FRMPD4: variants seen among roughly 807,000 people sequenced by gnomAD.
FRMPD4 encodes FERM and PDZ domain containing 4.
A neutral mutation model predicts 94.1 loss-of-function variants in FRMPD4; 22 were observed. That is an observed-to-expected ratio of 0.23 (90% confidence interval 0.17 to 0.33). The LOEUF is 0.33. Ranked by LOEUF, FRMPD4 falls within the 10% of genes least tolerant of loss-of-function variation. The pLI is 1.00. For synonymous variants in FRMPD4, 631 were observed against 548.6 expected (o/e 1.15, Z -2.10); for missense variants, 1,111 against 1,339.9 (o/e 0.83, Z 2.67).
chrX:11,848,427 G>A (rs1386383255), intron 1 of FRMPD4, among the ~76,000 whole-genome samples: 7 of 111,302 alleles, frequency 6.3e-5, no homozygotes, highest in African/African-American at 2.3e-4. Flanking sequence ...TTTTTAGTCA[G>A]TAGGGTTTCT....
chrX:12,432,625 T>G (rs1399602706), intron 1 of FRMPD4, among the ~76,000 whole-genome samples: 1 of 112,079 alleles, frequency 8.9e-6, no homozygotes, highest in Non-Finnish European at 1.9e-5. Context: ...CCTTGCTATA[T>G]CAGTCTCTCA....
chrX:12,657,529 C>T (rs955872188), intron 4 of FRMPD4, among the ~76,000 whole-genome samples: 1 of 111,576 alleles, frequency 9.0e-6, no homozygotes, highest in Non-Finnish European at 1.9e-5. Flanking sequence ...TTGGATATCA[C>T]ATTCTCTCAC....
chrX:11,845,463 G>A (rs1466539792), intron 1 of FRMPD4, among the ~76,000 whole-genome samples: 1 of 110,468 alleles, frequency 9.1e-6, no homozygotes, highest in Non-Finnish European at 1.9e-5. Context: ...AAGAGGAACT[G>A]GTACCATTCC....
chrX:12,166,393 G>T (rs766879222), intron 1 of FRMPD4, among the ~76,000 whole-genome samples: 98 of 111,567 alleles, frequency 8.8e-4, no homozygotes, highest in African/African-American at 2.8e-3. Context: ...GCATCCCAGG[G>T]ATGAAGCCCA....
chrX:12,406,995 T>C lies in FRMPD4; in HGVS notation c.42-91685T>C, dbSNP rs1455328145. Among the ~76,000 whole-genome samples, 3 of 111,012 alleles carry C rather than the reference T, an allele frequency of 2.7e-5. No individual in the cohort carries two copies. In the Admixed American group the frequency reaches 2.9e-4, roughly 11 times the overall value. ...ACATTTTCTCACCTTTTCCAGCGCC[T>C]AGAGGCTACCAATGTTCTTTGCCTC... On this transcript the variant is annotated intron_variant, in intron 1 of 16. Coordinates refer to ENST00000675598, the MANE Select transcript of FRMPD4 (RefSeq NM_001368397.1).
chrX:12,097,822 G>A (rs1458813553), intron 3 of FRMPD4, among the ~76,000 whole-genome samples: 1 of 112,428 alleles, frequency 8.9e-6, no homozygotes, highest in Non-Finnish European at 1.9e-5. Flanking sequence ...CTATTCACTA[G>A]TTAATGGACA....
intron 1 of FRMPD4, among the ~76,000 whole-genome samples, chrX:12,358,913 T>G (rs2055937317): frequency 8.9e-6 from 1 of 112,399 alleles, no homozygotes; most frequent in South Asian, 3.7e-4. Context: ...GATTTTTCAC[T>G]GGCTTTCCAA....
At chrX:12,020,114 T>C (rs2054624784) in intron 3 of FRMPD4, among the ~76,000 whole-genome samples, 1 of 111,966 alleles carries the variant, frequency 8.9e-6, no homozygotes, top group African/African-American at 3.3e-5. Context: ...TGTACTCTTA[T>C]TGTATCATTT....
At chrX:12,211,148 C>T (rs937298047) in intron 1 of FRMPD4, among the ~76,000 whole-genome samples, 12 of 112,193 alleles carry the variant, frequency 1.1e-4, no homozygotes, top group African/African-American at 3.2e-4. Context: ...TTCTCACTAA[C>T]GGGATTGAAT....
intron 2 of FRMPD4, among the ~76,000 whole-genome samples, chrX:12,502,720 T>G (rs1261621639): frequency 8.9e-6 from 1 of 112,108 alleles, no homozygotes; most frequent in Non-Finnish European, 1.9e-5. Context: ...GACGTAAGTA[T>G]TAATACAGAG....
At chrX:12,296,071 T>G (rs900577528) in intron 1 of FRMPD4, among the ~76,000 whole-genome samples, 2 of 110,837 alleles carry the variant, frequency 1.8e-5, no homozygotes, top group African/African-American at 6.6e-5. Context: ...ACTAGATGCC[T>G]GTAGTGTGCC....
At chrX:12,654,462 T>G (rs947707959) in intron 4 of FRMPD4, among the ~76,000 whole-genome samples, 2 of 112,050 alleles carry the variant, frequency 1.8e-5, no homozygotes, top group African/African-American at 6.5e-5. Flanking sequence ...AATGAAAAAG[T>G]ATATACAGTA....
At chrX:12,147,694 T>A (rs2055789159) in intron 1 of FRMPD4, among the ~76,000 whole-genome samples, 1 of 112,287 alleles carries the variant, frequency 8.9e-6, no homozygotes, top group African/African-American at 3.2e-5. Context: ...CTCTGGTTTA[T>A]TGGTGCTTTA....
At chrX:12,599,826 A>G (rs2059068661) in intron 2 of FRMPD4, among the ~76,000 whole-genome samples, 1 of 111,520 alleles carries the variant, frequency 9.0e-6, no homozygotes, top group Non-Finnish European at 1.9e-5. Flanking sequence ...AAAAGTTTTG[A>G]ACATGTACTG....
At chrX:12,429,149 G>A (rs2056985128) in intron 1 of FRMPD4, among the ~76,000 whole-genome samples, 1 of 111,534 alleles carries the variant, frequency 9.0e-6, no homozygotes, top group African/African-American at 3.3e-5. Flanking sequence ...GCTGGAGAAG[G>A]GGAAGACACT....
chrX:11,934,864 G>A (rs982015464), intron 3 of FRMPD4, among the ~76,000 whole-genome samples: 2 of 109,332 alleles, frequency 1.8e-5, no homozygotes, highest in African/African-American at 6.6e-5. Flanking sequence ...AGACAAGATC[G>A]TTTTGTTGTT....
At chrX:12,266,132 C>CAAAAAAAAAA (rs3990340) in intron 1 of FRMPD4, among the ~76,000 whole-genome samples, 2 of 25,771 alleles carry the variant, frequency 7.8e-5, no homozygotes, top group Admixed American at 4.1e-4. Flanking sequence ...GACTCCGTCT[C>CAAAAAAAAAA]AAAAAAAAAA....
At chrX:11,921,795 G>T (rs1041682203) in intron 3 of FRMPD4, among the ~76,000 whole-genome samples, 1 of 111,831 alleles carries the variant, frequency 8.9e-6, no homozygotes, top group Non-Finnish European at 1.9e-5. Context: ...GAGAGTTTTG[G>T]GATTGTTACC....
rs920945806 is a variant in FRMPD4 at position 11,956,112 on chromosome X, G to A, written c.95+78094G>A. On this transcript the variant is annotated intron_variant, in intron 3 of 18. Transcript: ENST00000640291. ...TTTGCCAAGTTGTCAAATCAGTTTT[G>A]ACACAAGCAGACAGTCAAAACAAGT... 8.1e-5 allele frequency among the ~76,000 whole-genome samples: 9 copies of A among 111,629 alleles called. No homozygotes were observed. The South Asian group carries it at 1.5e-3, about 19-fold the overall frequency.
Sources: allele counts gnomAD v4.1 joint callset (sites outside exome capture counted in the v4.1 genomes callset), GRCh38; gene constraint gnomAD v4.1.1; transcripts MANE v1.5; gene names NCBI Gene and HGNC (gene_info 2026-07-23, HGNC 2026-07-21).